Variants in CFAP91 observed in about 807,000 individuals in gnomAD.
CFAP91 encodes cilia and flagella associated protein 91.
A neutral mutation model predicts 95.9 loss-of-function variants in CFAP91; 85 were observed. The ratio of observed to expected loss-of-function variants is 0.89; its 90% CI spans 0.74 to 1.06. The LOEUF is 1.06. CFAP91 is among the 50% of genes least tolerant of loss of function. CFAP91 has a pLI of 0.00. For synonymous variants in CFAP91, 335 were observed against 327.5 expected (o/e 1.02, Z -0.25); for missense variants, 962 against 943.4 (o/e 1.02, Z -0.26).
At chr3:119,733,262 C>A in intron 9 of CFAP91, 102 bp from the exon 10 acceptor site, 1 of 1,220,124 alleles carries the variant, frequency 8.2e-7, no homozygotes, top group Non-Finnish European at 1.1e-6. Flanking sequence ...CTCAACAATT[C>A]TAATGAAACT....
intron 5 of CFAP91, among the ~76,000 whole-genome samples, chr3:119,714,650 C>G (rs1202418164): frequency 6.6e-6 from 1 of 152,104 alleles, no homozygotes; most frequent in Non-Finnish European, 1.5e-5. Context: ...TTCTCCTTTA[C>G]TCATTTTTCC....
intron 5 of CFAP91, among the ~76,000 whole-genome samples, chr3:119,714,101 GC>G (rs777116924): frequency 5.3e-5 from 8 of 151,728 alleles, no homozygotes; most frequent in Non-Finnish European, 1.0e-4. Flanking sequence ...GGTGGCTCAC[GC>G]CTGTAATCCC....
At chr3:119,740,412 A>G (rs1169242510) in intron 12 of CFAP91, 137 bp from the exon 13 acceptor site, 1 of 951,984 alleles carries the variant, frequency 1.1e-6, no homozygotes, top group Non-Finnish European at 1.6e-6. Flanking sequence ...TGTGGGACAC[A>G]TCTGCTCTGT....
chr3:119,715,068 TCTGC>T (rs765246673), intron 5 of CFAP91, among the ~76,000 whole-genome samples: 4 of 152,190 alleles, frequency 2.6e-5, no homozygotes, highest in African/African-American at 4.8e-5. Context: ...ATAGAGCCTG[TCTGC>T]CTGCCTGCCT....
intron 17 of CFAP91, among the ~76,000 whole-genome samples, chr3:119,757,595 T>C (rs1482980808): frequency 6.6e-6 from 1 of 152,110 alleles, no homozygotes; most frequent in Non-Finnish European, 1.5e-5. Flanking sequence ...TGCAGTGAGC[T>C]GAGATCATGC....
At chr3:119,715,391 C>A (rs1277613433) in intron 5 of CFAP91, 171 bp from the exon 6 acceptor site, 2 of 725,390 alleles carry the variant, frequency 2.8e-6, no homozygotes, top group South Asian at 1.5e-5. Flanking sequence ...GCAATTCTCT[C>A]AAGATTTGTG....
Position 119,738,332 on chromosome 3 carries a change from C to CTTTTTTTTTTTTTTT in CFAP91, c.1461+870_1461+884dup, listed in dbSNP as rs556125660. Among the ~76,000 whole-genome samples the CTTTTTTTTTTTTTTT allele has an allele frequency of 1.1e-3, 26 of 23,072 alleles. 7 individuals are homozygous for CTTTTTTTTTTTTTTT. Among genetic ancestry groups the CTTTTTTTTTTTTTTT allele is most frequent in the Non-Finnish European group, 2.1e-3 (20 of 9,470 alleles). The allele number at this position is 23,072 out of a possible 152,430, so 15.1% of individuals were successfully genotyped here. A position where few individuals can be genotyped will look rare whatever the true frequency, so the allele number is the denominator to read the frequency against. On this transcript the variant is annotated intron_variant, in intron 11 of 17. Coordinates refer to ENST00000273390, the MANE Select transcript of CFAP91 (RefSeq NM_033364.4). ...TGCAGGGCTTTGGTTGACATATTGT[C>CTTTTTTTTTTTTTTT]TTTTTTTTTTTTTTTTTTTTTTTTT...
At chr3:119,763,066 C>T (rs2054567264) in intron 17 of CFAP91, among the ~76,000 whole-genome samples, 2 of 152,112 alleles carry the variant, frequency 1.3e-5, no homozygotes, top group Admixed American at 6.5e-5. Flanking sequence ...ACAAACCATA[C>T]ATCTGGTAAG....
At chr3:119,720,588 C>T (rs2053665822) in intron 6 of CFAP91, among the ~76,000 whole-genome samples, 1 of 152,220 alleles carries the variant, frequency 6.6e-6, no homozygotes, top group East Asian at 1.9e-4. Context: ...AAGTTTACCA[C>T]ACCTTTAAGG....
intron 6 of CFAP91, among the ~76,000 whole-genome samples, chr3:119,718,877 A>G (rs902134314): frequency 1.3e-5 from 2 of 151,816 alleles, no homozygotes; most frequent in Admixed American, 1.3e-4. Context: ...GTTCATACCT[A>G]CAATCCAGCA....
intron 17 of CFAP91, among the ~76,000 whole-genome samples, chr3:119,753,569 C>T (rs142863420): frequency 2.0e-5 from 3 of 152,266 alleles, no homozygotes; most frequent in African/African-American, 4.8e-5. Context: ...TATTCAGGTA[C>T]GTGAGGAGAC....
At position 119,744,122 on chromosome 3, in the gene CFAP91, C is replaced by G. The variant is rs747028037; in HGVS notation, c.1828C>G (p.Arg610Gly). The part of the protein sequence containing the change: ...VMLAERQRRV[R>G]EAEESGRRQV... ...GCTGGCTGAGCGCCAGCGGCGGGTACGAGAGGCTGAAGAGAGTGGTCGGCG... is the reference window on the plus strand; with the variant it reads ...GCTGGCTGAGCGCCAGCGGCGGGTAGGAGAGGCTGAAGAGAGTGGTCGGCG... Residue 610 changes from arginine (R) to glycine (G), a missense_variant, in exon 14 of 18, where the codon CGA (arginine) becomes GGA (glycine). Arg to Gly is a moderately radical substitution (Grantham distance 125). Transcript: ENST00000273390. 11 of 1,613,900 alleles carry G rather than the reference C, an allele frequency of 6.8e-6. No individual in the cohort carries two copies. Among genetic ancestry groups the G allele is most frequent in the South Asian group, 6.6e-5 (6 of 91,066 alleles).
intron 12 of CFAP91, 62 bp from the exon 13 acceptor site, chr3:119,740,487 C>T (rs2054094505): frequency 1.8e-5 from 28 of 1,583,218 alleles, no homozygotes; most frequent in Non-Finnish European, 2.3e-5. Flanking sequence ...GCGTGTGACT[C>T]CTAGTGCTTG....
chr3:119,742,273 A>C (rs548990716), intron 13 of CFAP91, among the ~76,000 whole-genome samples: 1 of 152,172 alleles, frequency 6.6e-6, no homozygotes, highest in African/African-American at 2.4e-5. Flanking sequence ...TACACCCTGG[A>C]TATATGCAGG....
chr3:119,732,111 A>G (rs575155318), intron 8 of CFAP91, among the ~76,000 whole-genome samples, 183 bp from the exon 9 acceptor site: 9 of 152,350 alleles, frequency 5.9e-5, no homozygotes, highest in African/African-American at 2.2e-4. Flanking sequence ...TCTCATGACA[A>G]TCTGGGCCAC....
intron 17 of CFAP91, among the ~76,000 whole-genome samples, chr3:119,755,307 T>C (rs931937077): frequency 9.2e-5 from 14 of 152,316 alleles, no homozygotes; most frequent in Non-Finnish European, 1.8e-4. Context: ...GATTGAAATG[T>C]GTCCTTGAAA....
intron 9 of CFAP91, 144 bp from the exon 10 acceptor site, chr3:119,733,220 G>A (rs1268496825): frequency 4.2e-6 from 3 of 710,942 alleles, no homozygotes; most frequent in Non-Finnish European, 6.7e-6. Flanking sequence ...ACATTTCAGG[G>A]ACACTTCATT....
chr3:119,765,558 A>T lies in CFAP91; in HGVS notation c.*508A>T, dbSNP rs976609116. 7.9e-5 allele frequency: 12 copies of T among 152,250 alleles called. No homozygotes were observed. Among genetic ancestry groups the T allele is most frequent in the African/African-American group, 2.4e-4 (10 of 41,462 alleles). The allele number at this position is 152,250 out of a possible 1,614,324, so 9.4% of individuals were successfully genotyped here. A position where few individuals can be genotyped will look rare whatever the true frequency, so the allele number is the denominator to read the frequency against. The stretch of plus-strand genomic sequence containing the variant: ...GGTGTTCACAATAGTCCCAAACTGG[A>T]AACCCAAGTGTCCATCTCCATCGGA... On this transcript the variant is annotated 3_prime_UTR_variant, in exon 18 of 18. Transcript: ENST00000273390.
intron 4 of CFAP91, among the ~76,000 whole-genome samples, chr3:119,709,279 G>A (rs1252580302): frequency 6.6e-6 from 1 of 152,134 alleles, no homozygotes; most frequent in East Asian, 1.9e-4. Flanking sequence ...AAGCTTCCTT[G>A]AGAAAGTAAA....
Sources: gnomAD v4.1 joint callset for allele counts (sites outside exome capture counted in the v4.1 genomes callset) on GRCh38, gnomAD v4.1.1 for gene constraint, MANE v1.5 for transcripts, NCBI Gene and HGNC (gene_info 2026-07-23, HGNC 2026-07-21) for gene names.